The following NBPF19 variants were observed in gnomAD, a reference collection of about 807,000 sequenced individuals.
NBPF19 encodes NBPF family member NBPF19.
In NBPF19, 30 loss-of-function variants were observed where a neutral mutation model predicts 45.9. The ratio of observed to expected loss-of-function variants is 0.65; its 90% CI spans 0.49 to 0.89. The LOEUF is 0.89. Ranked by LOEUF, NBPF19 falls within the 40% of genes least tolerant of loss-of-function variation. The probability of loss-of-function intolerance (pLI) is 0.00; values close to 1 mark genes in which losing one functional copy is unlikely to be tolerated. For missense variants in NBPF19, 495 were observed against 471.8 expected, an observed-to-expected ratio of 1.05 and a Z score of -0.46; for synonymous variants, 183 against 181.2, an observed-to-expected ratio of 1.01 and a Z score of -0.08.
chr1:149,486,628 A>C (rs2085521942), intron 8 of NBPF19, among the ~76,000 whole-genome samples: 1 of 151,260 alleles, frequency 6.6e-6, no homozygotes, highest in Non-Finnish European at 1.5e-5. Flanking sequence ...ATCTGAATTA[A>C]ATGTCTTTTG....
intron 7 of NBPF19, among the ~76,000 whole-genome samples, chr1:149,483,431 T>C (rs1349525017): frequency 1.3e-5 from 1 of 79,026 alleles, no homozygotes; most frequent in African/African-American, 5.1e-5. Context: ...TGTCTCTGCA[T>C]GTGAGATGGG....
chr1:149,478,115 C>T lies in NBPF19; in HGVS notation c.278+68C>T, dbSNP rs1325121934. 7.9e-5 allele frequency: 88 copies of T among 1,114,432 alleles called. 3 individuals carry two copies. Among genetic ancestry groups the T allele is most frequent in the Non-Finnish European group, 8.5e-5 (64 of 752,096 alleles). The allele number at this position is 1,114,432 out of a possible 1,614,324, so 69.0% of individuals were successfully genotyped here. ...AGATCTCTGAAGTACAGCAGCTCGGCGGGGAGAAATAAGAACGAAGCTGGG... is the reference window on the plus strand; with the variant it reads ...AGATCTCTGAAGTACAGCAGCTCGGTGGGGAGAAATAAGAACGAAGCTGGG... On this transcript the variant is annotated intron_variant, in intron 3 of 93. Coordinates refer to ENST00000651566, the MANE Select transcript of NBPF19 (RefSeq NM_001351365.2).
rs1416073843 is a variant in NBPF19, at chr1:149,478,358, A to G, written c.278+311A>G. Among the ~76,000 whole-genome samples the G allele has an allele frequency of 7.3e-5, 11 of 151,386 alleles. 1 individual carries two copies. In the East Asian group the frequency reaches 1.7e-3, roughly 24 times the overall value. On this transcript the variant is annotated intron_variant, in intron 3 of 93. Coordinates refer to ENST00000651566, the MANE Select transcript of NBPF19 (RefSeq NM_001351365.2). ...TTCAGTATAATCAAAATGGTGTGCTATCACCACCCCACTTACCCTTAGTGA... is the reference window on the plus strand; with the variant it reads ...TTCAGTATAATCAAAATGGTGTGCTGTCACCACCCCACTTACCCTTAGTGA...
rs1209164620 is a variant in NBPF19, at chr1:149,554,974, C to T, written c.*236C>T. The stretch of plus-strand genomic sequence containing the variant: ...CTGTGCAGCACATGCCGGGAGTGAT[C>T]AGTCGGACATTTTAATTTGAACCAC... On this transcript the variant is annotated 3_prime_UTR_variant, in exon 94 of 94. Coordinates refer to ENST00000651566, the MANE Select transcript of NBPF19 (RefSeq NM_001351365.2). 5 of 721,036 alleles carry T rather than the reference C, an allele frequency of 6.9e-6. No individual in the cohort carries two copies. In the East Asian group the frequency reaches 8.5e-5, roughly 12 times the overall value. The allele number at this position is 721,036 out of a possible 1,614,324, so 44.7% of individuals were successfully genotyped here. A position where few individuals can be genotyped will look rare whatever the true frequency, so the allele number is the denominator to read the frequency against.
rs1370490544 is a variant in NBPF19, at chr1:149,554,514, G to A, written c.11308G>A (p.Glu3770Lys). The A allele has an allele frequency of 8.1e-6, 13 of 1,608,066 alleles. No homozygotes were observed. The highest frequency in any genetic ancestry group is 1.1e-5 in the Non-Finnish European group (13 of 1,176,708). ...PCPRLNSVLM[E>K]VEEPEVLQDS... ...TTCCAGGCTCAACAGCGTGCTGATG[G>A]AAGTGGAAGAGCCTGAAGTCTTACA... The change falls in exon 94 of 94, where the codon GAA (glutamate) becomes AAA (lysine). Residue 3770 changes from glutamate (E) to lysine (K), a missense_variant. By Grantham distance (56) the Glu-to-Lys change is moderately conservative. Around this residue, in one of 8 missense-constraint regions of NBPF19, gnomAD observed 248 missense variants for 95.4 expected, o/e 2.60. Transcript: ENST00000651566.
In NBPF19 at chr1:149,487,158, A is replaced by G. The variant is rs1359132473; in HGVS notation, c.989-174A>G. Among the ~76,000 whole-genome samples, 1,394 of 151,232 alleles carry G rather than the reference A, an allele frequency of 9.2e-3. 46 individuals carry two copies. Among genetic ancestry groups the G allele is most frequent in the African/African-American group, 0.032 (1,321 of 41,242 alleles). ...GAATTTTGCCCAAGGCTCATGAAAG[A>G]ACCCAAGCCAGTTTTCTCAAGACTT... On this transcript the variant is annotated intron_variant, in intron 8 of 93. Coordinates refer to ENST00000651566, the MANE Select transcript of NBPF19 (RefSeq NM_001351365.2).
intron 51 of NBPF19, among the ~76,000 whole-genome samples, chr1:149,521,116 C>T (rs1306493353): frequency 1.2e-5 from 1 of 83,830 alleles, no homozygotes; most frequent in Non-Finnish European, 2.6e-5. Flanking sequence ...CTCTCTCTCT[C>T]TCTCTCTCTC....
chr1:149,487,992 T>A, intron 9 of NBPF19, 21 bp from the exon 10 acceptor site: 2 of 691,088 alleles, frequency 2.9e-6, no homozygotes, highest in Non-Finnish European at 5.3e-6. Flanking sequence ...GCTTATTCTT[T>A]ACTTTTTCCC....
At position 149,554,684 on chromosome 1, in the gene NBPF19, G is replaced by T. The variant is rs2087202074; in HGVS notation, c.11478G>T (p.Leu3826Phe). 1 of 1,608,222 alleles carries T rather than the reference G, an allele frequency of 6.2e-7. No individual in the cohort carries two copies. Among genetic ancestry groups the T allele is most frequent in the Non-Finnish European group, 8.5e-7 (1 of 1,176,740 alleles). ...ACTTGGACAATAGGTTTTTTACTTT[G>T]ACGGTGACAAGTCTCCATCTGGTGT... is the stretch of plus-strand genomic sequence containing the variant. ...ALYLDNRFFT[L>F]TVTSLHLVFQ... is the part of the protein sequence containing the mutation. Residue 3826 changes from leucine (L) to phenylalanine (F), a missense_variant, in exon 94 of 94, where the codon TTG (leucine) becomes TTT (phenylalanine). Around this residue, in one of 8 missense-constraint regions of NBPF19, gnomAD observed 248 missense variants for 95.4 expected, o/e 2.60. Coordinates refer to ENST00000651566, the MANE Select transcript of NBPF19 (RefSeq NM_001351365.2).
chr1:149,481,473 A>ATT (rs1190866284), intron 6 of NBPF19, among the ~76,000 whole-genome samples: 10,434 of 65,808 alleles, frequency 0.16, 161 homozygotes, highest in East Asian at 0.23. Context: ...AGCATCGTGG[A>ATT]TTTTTTTTTT....
intron 4 of NBPF19, among the ~76,000 whole-genome samples, chr1:149,479,709 A>G (rs1360869624): frequency 1.3e-5 from 2 of 149,840 alleles, no homozygotes. Context: ...CAGAAGCCAC[A>G]TGGAGGGCCT....
chr1:149,487,519 T>C, intron 9 of NBPF19, 136 bp downstream of exon 9: 4 of 995,908 alleles, frequency 4.0e-6, no homozygotes, highest in East Asian at 2.4e-5. Flanking sequence ...ACATTGCTTT[T>C]TTGTTCTCAT....
At chr1:149,487,990 T>C in intron 9 of NBPF19, 23 bp from the exon 10 acceptor site, 7 of 691,450 alleles carry the variant, frequency 1.0e-5, no homozygotes, top group South Asian at 6.2e-5. Flanking sequence ...TGGCTTATTC[T>C]TTACTTTTTC....
At chr1:149,487,426 C>A (rs2085602267) in intron 9 of NBPF19, 43 bp downstream of exon 9, 3 of 1,006,768 alleles carry the variant, frequency 3.0e-6, no homozygotes, top group Admixed American at 3.4e-5. Context: ...ATGTTGACAC[C>A]TGGAGATGCC....
chr1:149,556,060 C>G lies in NBPF19; in HGVS notation c.*1322C>G, dbSNP rs1343757741. On this transcript the variant is annotated 3_prime_UTR_variant, in exon 94 of 94. Transcript: ENST00000651566. ...AATGATCATCCTCTAAACATTTTAT[C>G]ATTTATTAATCCTCCCTGCCTGTGT... 6.8e-6 allele frequency: 1 copy of G among 146,390 alleles called. No individual in the cohort carries two copies. The highest frequency in any genetic ancestry group is 2.5e-5 in the African/African-American group (1 of 39,636). 9.1% of individuals were successfully genotyped at this position (146,390 alleles called of 1,614,324 possible). A position where few individuals can be genotyped will look rare whatever the true frequency, so the allele number is the denominator to read the frequency against.
At chr1:149,487,738 C>G (rs1375162281) in intron 9 of NBPF19, among the ~76,000 whole-genome samples, 4 of 149,892 alleles carry the variant, frequency 2.7e-5, no homozygotes, top group Non-Finnish European at 5.9e-5. Flanking sequence ...TTGACTCCCT[C>G]ATCAGTGTGT....
chr1:149,487,773 C>CTGTG (rs2085669338), intron 9 of NBPF19, among the ~76,000 whole-genome samples: 3 of 130,040 alleles, frequency 2.3e-5, no homozygotes, highest in African/African-American at 9.2e-5. Flanking sequence ...ACTGAGCTCG[C>CTGTG]TCTGTGTGTG....
chr1:149,488,170 G>A lies in NBPF19; in HGVS notation c.1198G>A (p.Ala400Thr). 4.5e-6 allele frequency: 3 copies of A among 667,848 alleles called. No individual in the cohort carries two copies. Among genetic ancestry groups the A allele is most frequent in the Non-Finnish European group, 8.0e-6 (3 of 373,228 alleles). The allele number at this position is 667,848 out of a possible 1,614,324, so 41.4% of individuals were successfully genotyped here. ...YVLEQQRVGLAIDMDEIEKYQ... is the reference protein window; with the variant it reads ...YVLEQQRVGLTIDMDEIEKYQ... The stretch of plus-strand genomic sequence containing the variant: ...ATTGGAGCAACAGCGTGTTGGCTTG[G>A]CTATTGACATGGATGGTGAGTACCT... The change falls in exon 10 of 94, where the codon GCT becomes ACT. Residue 400 changes from alanine (A) to threonine (T), a missense_variant. Ala to Thr is a moderately conservative substitution (Grantham distance 58). Around this residue, in one of 8 missense-constraint regions of NBPF19, gnomAD observed 146 missense variants for 67.3 expected, o/e 2.17. Coordinates refer to ENST00000651566, the MANE Select transcript of NBPF19 (RefSeq NM_001351365.2).
chr1:149,490,339 C>T, intron 12 of NBPF19, 104 bp from the exon 13 acceptor site: 1 of 10,354 alleles, frequency 9.7e-5, no homozygotes, highest in African/African-American at 6.7e-3. Flanking sequence ...GTCCTGTTCT[C>T]ATGCTGAGGA....
Sources: allele counts gnomAD v4.1 joint callset (sites outside exome capture counted in the v4.1 genomes callset), GRCh38; gene constraint gnomAD v4.1.1; regional missense constraint gnomAD v4.1.1; transcripts MANE v1.5; gene names NCBI Gene and HGNC (gene_info 2026-07-23, HGNC 2026-07-21).